Variants in TMEM132B observed in about 807,000 individuals in gnomAD.
TMEM132B encodes transmembrane protein 132B.
A neutral mutation model predicts 90.8 loss-of-function variants in TMEM132B; 18 were observed. The observed-to-expected ratio is 0.20, with a 90% CI of 0.14 to 0.29. The LOEUF (loss-of-function observed/expected upper bound fraction) is 0.29. TMEM132B is among the 10% of genes least tolerant of loss of function. The pLI, the probability that TMEM132B is intolerant of heterozygous loss-of-function variation, is 1.00. For synonymous variants in TMEM132B, 504 were observed against 523.3 expected, an observed-to-expected ratio of 0.96 and a Z score of 0.50; for missense variants, 1,096 against 1,326.8, an observed-to-expected ratio of 0.83 and a Z score of 2.70.
chr12:125,198,885 C>T (rs1478372950), intron 1 of TMEM132B, among the ~76,000 whole-genome samples: 1 of 152,150 alleles, frequency 6.6e-6, no homozygotes, highest in Non-Finnish European at 1.5e-5. Context: ...CAAAGCTCCT[C>T]CGGCTTCTTT....
chr12:125,272,198 T>G (rs951576342), intron 1 of TMEM132B, among the ~76,000 whole-genome samples: 2 of 152,222 alleles, frequency 1.3e-5, no homozygotes, highest in African/African-American at 4.8e-5. Flanking sequence ...CCTGAAAACC[T>G]TTTTGTAAAT....
chr12:125,617,161 C>G (rs1288680460), intron 5 of TMEM132B, among the ~76,000 whole-genome samples: 1 of 152,156 alleles, frequency 6.6e-6, no homozygotes, highest in Non-Finnish European at 1.5e-5. Flanking sequence ...GTACTGATCT[C>G]TATGCCCATG....
At chr12:125,288,462 C>CAAA (rs11423298) in intron 1 of TMEM132B, among the ~76,000 whole-genome samples, 39 of 102,838 alleles carry the variant, frequency 3.8e-4, no homozygotes, top group East Asian at 8.3e-4. Flanking sequence ...GACTCCATCT[C>CAAA]AAAAAAAAAA....
chr12:125,523,957 C>T (rs1283301217), intron 4 of TMEM132B, among the ~76,000 whole-genome samples: 2 of 152,202 alleles, frequency 1.3e-5, no homozygotes, highest in African/African-American at 2.4e-5. Context: ...CAGGCATCCT[C>T]ATCCCCAGGG....
At chr12:125,471,722 A>G (rs1375099973) in intron 3 of TMEM132B, among the ~76,000 whole-genome samples, 2 of 152,152 alleles carry the variant, frequency 1.3e-5, no homozygotes, top group Non-Finnish European at 2.9e-5. Flanking sequence ...GATGGACCTG[A>G]GAGTTGACAT....
chr12:125,193,871 A>G (rs909235728), intron 1 of TMEM132B, among the ~76,000 whole-genome samples: 2 of 152,258 alleles, frequency 1.3e-5, no homozygotes, highest in African/African-American at 4.8e-5. Context: ...TTCAATGTCA[A>G]GTGCCATGGG....
intron 1 of TMEM132B, among the ~76,000 whole-genome samples, chr12:125,227,745 G>A (rs911983536): frequency 6.6e-6 from 1 of 152,150 alleles, no homozygotes; most frequent in Non-Finnish European, 1.5e-5. Context: ...AGCATTCCAC[G>A]ATTGACACCT....
At chr12:125,252,213 A>AGAG (rs1227169912) in intron 1 of TMEM132B, among the ~76,000 whole-genome samples, 9 of 152,328 alleles carry the variant, frequency 5.9e-5, no homozygotes, top group African/African-American at 2.2e-4. Context: ...AGTGGGCCTC[A>AGAG]GGAAGGGCCC....
At chr12:125,538,480 A>G (rs1280944622) in intron 4 of TMEM132B, among the ~76,000 whole-genome samples, 3 of 152,206 alleles carry the variant, frequency 2.0e-5, no homozygotes, top group Non-Finnish European at 4.4e-5. Flanking sequence ...ATCAGCTGTT[A>G]GACAGTCACT....
chr12:125,224,693 G>A (rs1873636745), intron 1 of TMEM132B, among the ~76,000 whole-genome samples: 1 of 152,236 alleles, frequency 6.6e-6, no homozygotes, highest in South Asian at 2.1e-4. Context: ...AAGGGCAGAA[G>A]AAAAACCCCA....
chr12:125,322,080 T>G (rs189796693), intron 1 of TMEM132B, among the ~76,000 whole-genome samples: 23 of 152,332 alleles, frequency 1.5e-4, no homozygotes, highest in East Asian at 1.9e-4. Flanking sequence ...ATATGGTTTG[T>G]CTGTGTCCCC....
At chr12:125,565,950 C>T (rs534449888) in intron 4 of TMEM132B, among the ~76,000 whole-genome samples, 1 of 152,292 alleles carries the variant, frequency 6.6e-6, no homozygotes, top group African/African-American at 2.4e-5. Context: ...CCCAGTATTT[C>T]CCTGTTTCTT....
chr12:125,453,076 A>AACACACACAC (rs60350192), intron 3 of TMEM132B, among the ~76,000 whole-genome samples: 13 of 143,790 alleles, frequency 9.0e-5, no homozygotes, highest in East Asian at 4.0e-4. Context: ...ATTTCAGTAA[A>AACACACACAC]ACACACACAC....
chr12:125,363,676 T>TCC (rs1878032301), intron 2 of TMEM132B, among the ~76,000 whole-genome samples: 1 of 152,140 alleles, frequency 6.6e-6, no homozygotes, highest in African/African-American at 2.4e-5. Flanking sequence ...TTCTTTTCAA[T>TCC]GATCTTCAGA....
intron 1 of TMEM132B, among the ~76,000 whole-genome samples, chr12:125,261,606 A>T (rs1593059830): frequency 6.6e-6 from 1 of 152,226 alleles, no homozygotes; most frequent in East Asian, 1.9e-4. Flanking sequence ...CAAGTGCAGA[A>T]AATTCAAATT....
chr12:125,287,181 T>C (rs566993099), intron 1 of TMEM132B, among the ~76,000 whole-genome samples: 1 of 151,950 alleles, frequency 6.6e-6, no homozygotes, highest in African/African-American at 2.4e-5. Flanking sequence ...CCTCCCTCCC[T>C]CCTCTGCTTC....
chr12:125,527,350 CA>C (rs1883509079), intron 4 of TMEM132B, among the ~76,000 whole-genome samples: 1 of 140,676 alleles, frequency 7.1e-6, no homozygotes, highest in African/African-American at 2.7e-5. Context: ...TCCATCCACC[CA>C]TCCACCCTTC....
At chr12:125,363,556 G>A (rs146734906) in intron 2 of TMEM132B, among the ~76,000 whole-genome samples, 45 of 152,294 alleles carry the variant, frequency 3.0e-4, no homozygotes, top group Non-Finnish European at 6.0e-4. Context: ...GTGAAATAGG[G>A]TTGGTGGCAC....
At chr12:125,524,804 T>G (rs1455734336) in intron 4 of TMEM132B, among the ~76,000 whole-genome samples, 1 of 152,160 alleles carries the variant, frequency 6.6e-6, no homozygotes, top group African/African-American at 2.4e-5. Flanking sequence ...GGAGGCTGAT[T>G]TGCTGAGTCA....
Sources: allele counts gnomAD v4.1 joint callset (sites outside exome capture counted in the v4.1 genomes callset), GRCh38; gene constraint gnomAD v4.1.1; transcripts MANE v1.5; gene names NCBI Gene and HGNC (gene_info 2026-07-23, HGNC 2026-07-21).